PLAGL1: variants seen among roughly 807,000 people sequenced by gnomAD.
The protein encoded by PLAGL1 is PLAG1 like zinc finger 1.
A neutral mutation model predicts 4.6 loss-of-function variants in PLAGL1; 1 was observed. The observed-to-expected ratio is 0.22, with a 90% CI of 0.08 to 1.03. The LOEUF is 1.03. PLAGL1 is among the 50% of genes least tolerant of loss of function. The pLI, the probability that PLAGL1 is intolerant of heterozygous loss-of-function variation, is 0.58. For synonymous variants in PLAGL1, 240 were observed against 237.8 expected (o/e 1.01, Z -0.08); for missense variants, 464 against 570.4 (o/e 0.81, Z 1.90).
intron 1 of PLAGL1, among the ~76,000 whole-genome samples, chr6:144,057,197 T>G (rs745522132): frequency 6.6e-6 from 1 of 152,192 alleles, no homozygotes; most frequent in Non-Finnish European, 1.5e-5. Context: ...ACTGCCAAAG[T>G]TCCTTGCAAA....
chr6:144,027,043 C>T lies in PLAGL1; in HGVS notation c.-151+37425G>A, dbSNP rs1796390485. 6.6e-6 allele frequency among the ~76,000 whole-genome samples: 1 copy of T among 151,808 alleles called. No homozygotes were observed. The highest frequency in any genetic ancestry group is 2.1e-4 in the South Asian group (1 of 4,792). ...TGTGGGTAAAAAAGTAAGACCCCAC[C>T]CCCCGACTCTACAAAAACAAAATTA... On this transcript the variant is annotated intron_variant, in intron 1 of 3. Coordinates refer to the PLAGL1 transcript ENST00000437412. This position sits in a 1 kb window ranked among gnomAD's most constrained non-coding sequence, Gnocchi z 5.8.
Position 143,966,206 on chromosome 6 carries a change from G to A in PLAGL1, c.-471-8C>T, listed in dbSNP as rs1342241528. ...CCATTAGGTTTCTGTCGACTGCAACGAAAAGTCTTGTCTAATCAGAACCAC... is the reference window on the plus strand; with the variant it reads ...CCATTAGGTTTCTGTCGACTGCAACAAAAAGTCTTGTCTAATCAGAACCAC... On this transcript the variant is annotated splice_polypyrimidine_tract_variant and splice_region_variant and intron_variant, in intron 3 of 7. Coordinates refer to ENST00000674357, the MANE Select transcript of PLAGL1 (RefSeq NM_001317162.2). The surrounding 1 kb of genome is among the most constrained non-coding windows in gnomAD (Gnocchi z 6.0). The A allele has an allele frequency of 2.0e-5, 3 of 152,142 alleles. No individual in the cohort carries two copies. The highest frequency in any genetic ancestry group is 2.1e-4 in the South Asian group (1 of 4,826). The allele number at this position is 152,142 out of a possible 1,614,324, so 9.4% of individuals were successfully genotyped here.
At position 143,953,671 on chromosome 6, in the gene PLAGL1, T is replaced by C. The variant is rs1308124330; in HGVS notation, c.-324-5211A>G. On this transcript the variant is annotated intron_variant, in intron 6 of 7. Coordinates refer to ENST00000674357, the MANE Select transcript of PLAGL1 (RefSeq NM_001317162.2). The surrounding 1 kb of genome is among the most constrained non-coding windows in gnomAD (Gnocchi z 5.3). The stretch of plus-strand genomic sequence containing the variant: ...GGGATTTTTCTAAAACACAGCCTAA[T>C]ATAAAAGGGAGAAAACAACAAATTT... Among the ~76,000 whole-genome samples the C allele has an allele frequency of 6.6e-6, 1 of 152,122 alleles. No homozygotes were observed. The highest frequency in any genetic ancestry group is 1.5e-5 in the Non-Finnish European group (1 of 68,008).
rs1787362729 is a variant in PLAGL1 at position 143,979,253 on chromosome 6, CAATT to C, written c.-544+5878_-544+5881del. Among the ~76,000 whole-genome samples, 1 of 152,252 alleles carries C rather than the reference CAATT, an allele frequency of 6.6e-6. No individual in the cohort carries two copies. Among genetic ancestry groups the C allele is most frequent in the Admixed American group, 6.5e-5 (1 of 15,294 alleles). The stretch of plus-strand genomic sequence containing the variant: ...TGTATTAAATCTGACTGTGAACAAT[CAATT>C]GAGGTAACTCATTACCTTCAGACTG... On this transcript the variant is annotated intron_variant, in intron 2 of 7. Coordinates refer to ENST00000674357, the MANE Select transcript of PLAGL1 (RefSeq NM_001317162.2). This position sits in a 1 kb window ranked among gnomAD's most constrained non-coding sequence, Gnocchi z 4.6.
chr6:144,052,143 A>G, intron 1 of PLAGL1, among the ~76,000 whole-genome samples: 1 of 152,188 alleles, frequency 6.6e-6, no homozygotes, highest in East Asian at 1.9e-4. Flanking sequence ...GCTATTCAGA[A>G]AAATAAATAT....
upstream of PLAGL1, among the ~76,000 whole-genome samples, chr6:144,011,259 A>C (rs888213098): frequency 1.3e-5 from 2 of 152,216 alleles, no homozygotes; most frequent in Non-Finnish European, 2.9e-5. The surrounding 1 kb of genome is among the most constrained non-coding windows in gnomAD (Gnocchi z 4.3). Context: ...AATTTATAAG[A>C]AAAAAACAAC....
Position 143,965,181 on chromosome 6 carries a change from T to A in PLAGL1, c.-430-363A>T, listed in dbSNP as rs183160256. On this transcript the variant is annotated intron_variant, in intron 4 of 7. Coordinates refer to ENST00000674357, the MANE Select transcript of PLAGL1 (RefSeq NM_001317162.2). This position sits in a 1 kb window ranked among gnomAD's most constrained non-coding sequence, Gnocchi z 7.5. ...AGATGTTGTAGTAATGGTCAGTACT[T>A]GCAGCACCAAATGGGCACGTCTAAG... 3.9e-5 allele frequency: 6 copies of A among 152,346 alleles called. No individual in the cohort carries two copies. In the East Asian group the frequency reaches 9.6e-4, roughly 24 times the overall value. 9.4% of individuals were successfully genotyped at this position (152,346 alleles called of 1,614,324 possible). A position where few individuals can be genotyped will look rare whatever the true frequency, so the allele number is the denominator to read the frequency against.
intron 1 of PLAGL1, among the ~76,000 whole-genome samples, chr6:143,992,654 G>A (rs961980396): frequency 7.9e-5 from 12 of 152,200 alleles, no homozygotes; most frequent in African/African-American, 2.9e-4. Context: ...CAGATCTCCT[G>A]TCAAATTTAC....
Position 144,039,990 on chromosome 6 carries a change from A to T in PLAGL1, c.-151+24478T>A. On this transcript the variant is annotated intron_variant, in intron 1 of 3. Coordinates refer to the PLAGL1 transcript ENST00000437412. This position sits in a 1 kb window ranked among gnomAD's most constrained non-coding sequence, Gnocchi z 4.1. The stretch of plus-strand genomic sequence containing the variant: ...TAATTTATATCATATAATTCCATGT[A>T]CAACATTCAACAACAAGCAAAACTA... Among the ~76,000 whole-genome samples, 1 of 152,226 alleles carries T rather than the reference A, an allele frequency of 6.6e-6. No individual in the cohort carries two copies. Among genetic ancestry groups the T allele is most frequent in the East Asian group, 1.9e-4 (1 of 5,202 alleles).
At position 143,976,285 on chromosome 6, in the gene PLAGL1, C is replaced by CTTTTTTTT. The variant is rs58569870; in HGVS notation, c.-543-7315_-543-7308dup. On this transcript the variant is annotated intron_variant, in intron 2 of 7. Transcript: ENST00000674357. Reference sequence around the variant, plus strand: ...CGCCCTTGAGCCTGAGATTTCTTTTCTTTTTTTTTTTTTTTTTGGTGAATT... The same window carrying CTTTTTTTT: ...CGCCCTTGAGCCTGAGATTTCTTTTCTTTTTTTTTTTTTTTTTTTTTTTTTGGTGAATT... Among the ~76,000 whole-genome samples, 89 of 113,178 alleles carry CTTTTTTTT rather than the reference C, an allele frequency of 7.9e-4. 1 individual carries two copies. Among genetic ancestry groups the CTTTTTTTT allele is most frequent in the African/African-American group, 1.5e-3 (44 of 30,102 alleles). The allele number at this position is 113,178 out of a possible 152,430, so 74.2% of individuals were successfully genotyped here.
rs75329262 is a variant in PLAGL1 at position 144,036,404 on chromosome 6, A to C, written c.-151+28064T>G. Among the ~76,000 whole-genome samples, 695 of 152,334 alleles carry C rather than the reference A, an allele frequency of 4.6e-3. 2 individuals are homozygous for C. Among genetic ancestry groups the C allele is most frequent in the Non-Finnish European group, 7.2e-3 (492 of 68,030 alleles). On this transcript the variant is annotated intron_variant, in intron 1 of 3. Transcript: ENST00000437412. This position sits in a 1 kb window ranked among gnomAD's most constrained non-coding sequence, Gnocchi z 5.1. ...CTGAAGACAGCCAGCCCACATGCCC[A>C]GTACCAAAGGGGCACATGCTCCACA...
In PLAGL1 at chr6:143,952,109, G is replaced by GACA. The variant is rs891708876; in HGVS notation, c.-324-3652_-324-3650dup. Among the ~76,000 whole-genome samples, 33 of 151,840 alleles carry GACA rather than the reference G, an allele frequency of 2.2e-4. No homozygotes were observed. Among genetic ancestry groups the GACA allele is most frequent in the African/African-American group, 5.1e-4 (21 of 41,344 alleles). On this transcript the variant is annotated intron_variant, in intron 6 of 7. Transcript: ENST00000674357. This position sits in a 1 kb window ranked among gnomAD's most constrained non-coding sequence, Gnocchi z 6.1. Reference sequence around the variant, plus strand: ...GGTCAAAGCTTAGCTATTAAAAAACGACAACAACAACAACAACAACTGTGG... The same window carrying GACA: ...GGTCAAAGCTTAGCTATTAAAAAACGACAACAACAACAACAACAACAACTGTGG...
chr6:143,977,088 C>T (rs56826952), intron 2 of PLAGL1, among the ~76,000 whole-genome samples: 14,856 of 146,932 alleles, frequency 0.1, 838 homozygotes, highest in East Asian at 0.21. Context: ...TCCCTTCCCC[C>T]CCCCCAACAC....
At chr6:144,026,344 A>G (rs1796338230) in intron 1 of PLAGL1, among the ~76,000 whole-genome samples, 1 of 152,238 alleles carries the variant, frequency 6.6e-6, no homozygotes, top group Non-Finnish European at 1.5e-5. Flanking sequence ...TTGCTTTAAC[A>G]ATAGCAAAAT....
rs1778416879 is a variant in PLAGL1 at position 143,940,790 on chromosome 6, T to TGAA, written c.*631_*633dup. On this transcript the variant is annotated 3_prime_UTR_variant, in exon 8 of 8. Transcript: ENST00000674357. ...CAGTTTAGTCTTTCTTTAAGATAAA[T>TGAA]GAAGTGATAACTCACATTGCAGCAT... 1.3e-5 allele frequency: 2 copies of TGAA among 151,980 alleles called. No individual in the cohort carries two copies. The highest frequency in any genetic ancestry group is 2.9e-5 in the Non-Finnish European group (2 of 67,984). The allele number at this position is 151,980 out of a possible 1,614,324, so 9.4% of individuals were successfully genotyped here.
At chr6:144,017,200 G>GT (rs770523478) in intron 1 of PLAGL1, among the ~76,000 whole-genome samples, 36 of 151,688 alleles carry the variant, frequency 2.4e-4, no homozygotes, top group African/African-American at 5.3e-4. Flanking sequence ...TACATATGTA[G>GT]TTTTTTTTTA....
At chr6:143,999,480 T>C (rs1293005456) in intron 1 of PLAGL1, among the ~76,000 whole-genome samples, 1 of 152,238 alleles carries the variant, frequency 6.6e-6, no homozygotes, top group Non-Finnish European at 1.5e-5. Context: ...TCACTTTTCC[T>C]TTTTGTTTAG....
Position 143,978,863 on chromosome 6 carries a change from G to T in PLAGL1, c.-544+6272C>A, listed in dbSNP as rs1787275875. Among the ~76,000 whole-genome samples, 1 of 152,128 alleles carries T rather than the reference G, an allele frequency of 6.6e-6. No homozygotes were observed. On this transcript the variant is annotated intron_variant, in intron 2 of 7. Transcript: ENST00000674357. The surrounding 1 kb of genome is among the most constrained non-coding windows in gnomAD (Gnocchi z 4.6). The stretch of plus-strand genomic sequence containing the variant: ...GTTCAAGTCTTCTATAGCCTTCTTG[G>T]TTTTCCAACTACTTGATCTATTATC...
intron 1 of PLAGL1, among the ~76,000 whole-genome samples, chr6:144,040,692 C>T (rs1474747982): frequency 6.6e-6 from 1 of 152,098 alleles, no homozygotes; most frequent in East Asian, 1.9e-4. Context: ...GTCTGGCCAA[C>T]ATGGCAAAAC....
Sources: gnomAD v4.1 joint callset for allele counts (sites outside exome capture counted in the v4.1 genomes callset) on GRCh38, gnomAD v4.1.1 for gene constraint, Gnocchi (gnomAD v3.1) non-coding constraint, MANE v1.5 for transcripts, NCBI Gene and HGNC (gene_info 2026-07-23, HGNC 2026-07-21) for gene names.